ATP8B4: variants seen among roughly 807,000 people sequenced by gnomAD.
The protein encoded by ATP8B4 is ATPase phospholipid transporting 8B4 (putative).
Under a neutral mutation model 145.6 loss-of-function variants are expected in ATP8B4, and 133 were observed. That is an observed-to-expected ratio of 0.91 (90% CI 0.79 to 1.05). ATP8B4 has a LOEUF of 1.05. Ranked by LOEUF, ATP8B4 falls within the 50% of genes least tolerant of loss-of-function variation. The pLI is 0.00. For missense variants in ATP8B4, 1,458 were observed against 1,425.2 expected (o/e 1.02, Z -0.37); for synonymous variants, 507 against 492.9 (o/e 1.03, Z -0.38).
chr15:50,086,255 AT>A (rs1327938683), intron 2 of ATP8B4, among the ~76,000 whole-genome samples: 4 of 93,822 alleles, frequency 4.3e-5, no homozygotes, highest in African/African-American at 1.1e-4. Flanking sequence ...AGAGATCTAT[AT>A]TTATTATATA....
At chr15:49,894,473 T>C (rs1234538818) in intron 23 of ATP8B4, among the ~76,000 whole-genome samples, 1 of 152,156 alleles carries the variant, frequency 6.6e-6, no homozygotes, top group Non-Finnish European at 1.5e-5. Flanking sequence ...CCTGCCCTAT[T>C]TAAATCAGAC....
At chr15:49,863,927 T>G (rs927396930) in intron 26 of ATP8B4, among the ~76,000 whole-genome samples, 2 of 152,224 alleles carry the variant, frequency 1.3e-5, no homozygotes, top group Admixed American at 1.3e-4. Context: ...GAGTGGTCCC[T>G]GCACAAATTA....
intron 21 of ATP8B4, among the ~76,000 whole-genome samples, chr15:49,898,808 G>C (rs1031424547): frequency 2.0e-5 from 3 of 152,174 alleles, no homozygotes; most frequent in South Asian, 2.1e-4. Flanking sequence ...TGTGCAAAAG[G>C]GGGGCACGCA....
At chr15:50,166,065 A>C (rs571035282) in intron 1 of ATP8B4, among the ~76,000 whole-genome samples, 1 of 152,240 alleles carries the variant, frequency 6.6e-6, no homozygotes, top group East Asian at 1.9e-4. Flanking sequence ...ATCAGGAATA[A>C]AGAACAAATA....
At chr15:49,920,935 G>T (rs1365557836) in intron 17 of ATP8B4, among the ~76,000 whole-genome samples, 4 of 152,102 alleles carry the variant, frequency 2.6e-5, no homozygotes, top group Non-Finnish European at 5.9e-5. Flanking sequence ...CTAGTGATAT[G>T]CCTATGCCTA....
chr15:49,992,500 T>C (rs747553407), intron 9 of ATP8B4, among the ~76,000 whole-genome samples: 3 of 152,138 alleles, frequency 2.0e-5, no homozygotes, highest in South Asian at 2.1e-4. Context: ...TATCTTTGAA[T>C]ATAGATGCAA....
chr15:50,082,843 T>C (rs1341480696), intron 2 of ATP8B4, among the ~76,000 whole-genome samples: 1 of 152,212 alleles, frequency 6.6e-6, no homozygotes, highest in Non-Finnish European at 1.5e-5. Context: ...AACAATCCCA[T>C]TAGGTACATG....
In ATP8B4 at chr15:50,021,231, C is replaced by A. The variant is rs75922487; in HGVS notation, c.363-10314G>T. Among the ~76,000 whole-genome samples, 99 of 152,280 alleles carry A rather than the reference C, an allele frequency of 6.5e-4. 1 individual carries two copies. Among genetic ancestry groups the A allele is most frequent in the African/African-American group, 2.3e-3 (94 of 41,564 alleles). Reference sequence around the variant, plus strand: ...TCATGTCCATGGCATCATCATCATACCTGGACAAGAGTAGAAAACAAAATT... The same window carrying A: ...TCATGTCCATGGCATCATCATCATAACTGGACAAGAGTAGAAAACAAAATT... On this transcript the variant is annotated intron_variant, in intron 6 of 27. Transcript: ENST00000284509.
chr15:49,982,372 T>G (rs1434378981), intron 10 of ATP8B4: 1 of 152,180 alleles, frequency 6.6e-6, no homozygotes. Flanking sequence ...CTCAGAATCA[T>G]TTATTAAAAT....
intron 1 of ATP8B4, among the ~76,000 whole-genome samples, chr15:50,153,710 G>A (rs552155406): frequency 1.3e-5 from 2 of 152,062 alleles, no homozygotes; most frequent in Admixed American, 6.5e-5. Context: ...ACAAGATAAA[G>A]CAAAAACTGA....
At chr15:49,898,312 CA>C in intron 21 of ATP8B4, 61 bp from the exon 22 acceptor site, 1 of 1,502,818 alleles carries the variant, frequency 6.7e-7, no homozygotes, top group Non-Finnish European at 9.1e-7. Flanking sequence ...GGTTGAGAAA[CA>C]AGACAAATGT....
intron 1 of ATP8B4, among the ~76,000 whole-genome samples, chr15:50,173,065 A>G (rs1252609376): frequency 0.091 from 12,266 of 135,312 alleles, 747 homozygotes; most frequent in African/African-American, 0.16. Flanking sequence ...CAGCCTCCCC[A>G]TCCGGGAGGT....
chr15:49,894,078 C>T (rs909575289), intron 23 of ATP8B4, among the ~76,000 whole-genome samples: 3 of 152,182 alleles, frequency 2.0e-5, no homozygotes, highest in African/African-American at 7.2e-5. Context: ...TAAGCAATTA[C>T]TACTTGTCAC....
intron 23 of ATP8B4, chr15:49,880,685 C>T (rs2035239586): frequency 6.6e-6 from 1 of 151,352 alleles, no homozygotes; most frequent in East Asian, 1.9e-4. Flanking sequence ...ATTTTAAGTT[C>T]TCTTCATGGT....
At chr15:50,153,779 A>G (rs913765481) in intron 1 of ATP8B4, among the ~76,000 whole-genome samples, 2 of 152,262 alleles carry the variant, frequency 1.3e-5, no homozygotes, top group Admixed American at 6.5e-5. Context: ...AAATGAAATT[A>G]TCATTCTGAT....
chr15:50,154,745 A>G (rs572478469), intron 1 of ATP8B4, among the ~76,000 whole-genome samples: 3 of 151,622 alleles, frequency 2.0e-5, no homozygotes, highest in Non-Finnish European at 4.4e-5. Context: ...CGTGATCTCA[A>G]CTTACTGCAA....
intron 9 of ATP8B4, among the ~76,000 whole-genome samples, chr15:49,992,705 G>T (rs1365729181): frequency 6.6e-6 from 1 of 152,144 alleles, no homozygotes; most frequent in Non-Finnish European, 1.5e-5. Context: ...TGGTGCTAGA[G>T]AAAGTATTTT....
At chr15:50,047,126 T>C (rs1386152499) in intron 4 of ATP8B4, among the ~76,000 whole-genome samples, 1 of 152,240 alleles carries the variant, frequency 6.6e-6, no homozygotes, top group Non-Finnish European at 1.5e-5. Flanking sequence ...TGCAAGGCTG[T>C]GTTTTAAAGT....
At chr15:49,935,693 G>A (rs760692924) in intron 14 of ATP8B4, among the ~76,000 whole-genome samples, 5 of 151,696 alleles carry the variant, frequency 3.3e-5, no homozygotes, top group Non-Finnish European at 7.4e-5. Flanking sequence ...TACATCAAAC[G>A]GTTATCCCAA....
Sources: gnomAD v4.1 joint callset for allele counts (sites outside exome capture counted in the v4.1 genomes callset) on GRCh38, gnomAD v4.1.1 for gene constraint, MANE v1.5 for transcripts, NCBI Gene and HGNC (gene_info 2026-07-23, HGNC 2026-07-21) for gene names.